GLI2: variants seen among roughly 807,000 people sequenced by gnomAD.
GLI2 encodes GLI family zinc finger 2, also known as transcription activator GLI2.
In GLI2, 22 loss-of-function variants were observed where a neutral mutation model predicts 78.9. That is an observed-to-expected ratio of 0.28 (90% CI 0.20 to 0.40). The LOEUF is 0.40. Ranked by LOEUF, GLI2 falls within the 10% of genes least tolerant of loss-of-function variation. GLI2 has a pLI of 1.00. For synonymous variants in GLI2, 974 were observed against 963.7 expected (o/e 1.01, Z -0.20); for missense variants, 2,097 against 2,213.2 (o/e 0.95, Z 1.05).
At chr2:120,961,674 G>A (rs953038089) in intron 5 of GLI2, among the ~76,000 whole-genome samples, 3 of 152,150 alleles carry the variant, frequency 2.0e-5, no homozygotes, top group African/African-American at 4.8e-5. Context: ...AGGTGTGGGG[G>A]GCATTAAGGT....
chr2:120,972,147 C>CGGAT (rs1323780824), intron 8 of GLI2, 84 bp downstream of exon 8: 43 of 1,493,750 alleles, frequency 2.9e-5, no homozygotes, highest in Non-Finnish European at 3.8e-5. Flanking sequence ...TGGTGGTGAA[C>CGGAT]GGATGGCTGG....
chr2:120,869,247 G>T (rs1445123566), intron 2 of GLI2, among the ~76,000 whole-genome samples: 1 of 152,210 alleles, frequency 6.6e-6, no homozygotes, highest in African/African-American at 2.4e-5. Flanking sequence ...AGACCTGGGA[G>T]GGCTGTGGTC....
intron 2 of GLI2, among the ~76,000 whole-genome samples, chr2:120,882,000 G>C (rs1025803089): frequency 2.2e-4 from 33 of 152,142 alleles, no homozygotes; most frequent in Non-Finnish European, 3.7e-4. Context: ...TGTCATAGGG[G>C]ACAACTAAGG....
rs141356812 is a variant in GLI2, at chr2:120,989,430, G to A, written c.3465G>A (p.Ala1155=). The change falls in exon 14 of 14, where the codon GCG becomes GCA. Residue 1155 remains alanine, a synonymous_variant. Coordinates refer to ENST00000361492, the MANE Select transcript of GLI2 (RefSeq NM_001374353.1). ...KPPPFPQGNL[A]VVQQKPAFGQ... ...CACCCTTTCCTCAGGGCAACCTGGCGGTGGTGCAGCAGAAGCCTGCCTTTG... is the reference window on the plus strand; with the variant it reads ...CACCCTTTCCTCAGGGCAACCTGGCAGTGGTGCAGCAGAAGCCTGCCTTTG... 4.8e-5 allele frequency: 77 copies of A among 1,613,096 alleles called. No homozygotes were observed. Among genetic ancestry groups the A allele is most frequent in the African/African-American group, 4.4e-4 (33 of 75,056 alleles).
At chr2:120,988,182 G>A (rs1042964464) in intron 13 of GLI2, 26 bp from the exon 14 acceptor site, 1 of 1,577,260 alleles carries the variant, frequency 6.3e-7, no homozygotes, top group Non-Finnish European at 8.6e-7. Flanking sequence ...CCTTGTCCCG[G>A]TGCTGACCCC....
Position 120,870,984 on chromosome 2 carries a change from C to T in GLI2, c.149-56377C>T, listed in dbSNP as rs562912756. 2.2e-4 allele frequency among the ~76,000 whole-genome samples: 33 copies of T among 152,370 alleles called. 2 individuals are homozygous for T. In the South Asian group the frequency reaches 6.6e-3, roughly 31 times the overall value. ...GGAACACTCAGGATTTTGAACACAG[C>T]TGTCAACCCCTATTCCTTAATTGAG... On this transcript the variant is annotated intron_variant, in intron 2 of 13. Transcript: ENST00000361492.
intron 1 of GLI2, among the ~76,000 whole-genome samples, chr2:120,796,087 CAT>C (rs978884688): frequency 2.6e-5 from 4 of 152,190 alleles, no homozygotes; most frequent in Non-Finnish European, 4.4e-5. Flanking sequence ...AAAAAACAAA[CAT>C]GTGACCATCA....
At chr2:120,935,248 G>A (rs1364779441) in intron 3 of GLI2, among the ~76,000 whole-genome samples, 2 of 152,164 alleles carry the variant, frequency 1.3e-5, no homozygotes, top group African/African-American at 4.8e-5. Context: ...TTTCCACGTG[G>A]GTCCACACTG....
intron 11 of GLI2, 66 bp from the exon 12 acceptor site, chr2:120,984,405 G>A: frequency 1.1e-5 from 17 of 1,537,176 alleles, no homozygotes; most frequent in Non-Finnish European, 1.4e-5. Context: ...GGAGAACAGG[G>A]AGAGCGCCCC....
At chr2:120,876,565 C>G (rs532828822) in intron 2 of GLI2, among the ~76,000 whole-genome samples, 4 of 151,926 alleles carry the variant, frequency 2.6e-5, no homozygotes, top group Admixed American at 2.6e-4. Context: ...AAATACTCAC[C>G]GGAGAAATCA....
At position 120,989,641 on chromosome 2, in the gene GLI2, C is replaced by T. The variant is rs763967506; in HGVS notation, c.3676C>T (p.Pro1226Ser). 1.2e-6 allele frequency: 2 copies of T among 1,613,268 alleles called. No individual in the cohort carries two copies. Among genetic ancestry groups the T allele is most frequent in the African/African-American group, 2.7e-5 (2 of 74,928 alleles). The change falls in exon 14 of 14, where the codon CCC (proline) becomes TCC (serine). Residue 1226 changes from proline (P) to serine (S), a missense_variant. Around this residue, in one of 5 missense-constraint regions of GLI2, gnomAD observed 1,290 missense variants for 1,261.7 expected, o/e 1.02. Transcript: ENST00000361492. ...QCPGMTTTMS[P>S]HACYGQVHPQ... ...TCCTGGCATGACTACCACTATGAGC[C>T]CCCATGCCTGCTATGGCCAAGTCCA... is the stretch of plus-strand genomic sequence containing the variant.
At position 120,852,273 on chromosome 2, in the gene GLI2, C is replaced by T. The variant is rs370962406; in HGVS notation, c.148+54805C>T. Among the ~76,000 whole-genome samples the T allele has an allele frequency of 1.5e-3, 232 of 152,276 alleles. 2 individuals carry two copies. The highest frequency in any genetic ancestry group is 4.5e-3 in the African/African-American group (187 of 41,552). On this transcript the variant is annotated intron_variant, in intron 2 of 13. Coordinates refer to ENST00000361492, the MANE Select transcript of GLI2 (RefSeq NM_001374353.1). Reference sequence around the variant, plus strand: ...CCCTACCCTGCCCAGGCCTATGGATCGCACAGAGACGGATGGGCAGAGAGT... The same window carrying T: ...CCCTACCCTGCCCAGGCCTATGGATTGCACAGAGACGGATGGGCAGAGAGT...
At chr2:120,980,884 A>ATT (rs58013537) in intron 10 of GLI2, among the ~76,000 whole-genome samples, 1 of 146,694 alleles carries the variant, frequency 6.8e-6, no homozygotes, top group Non-Finnish European at 1.5e-5. Flanking sequence ...TTTGGAGTTA[A>ATT]TTTTTTTTTT....
chr2:120,837,326 G>A (rs1433068220), intron 2 of GLI2, among the ~76,000 whole-genome samples: 16 of 150,694 alleles, frequency 1.1e-4, no homozygotes, highest in East Asian at 7.8e-4. Context: ...CCCAGGAGGC[G>A]GAGCTTGCAG....
At chr2:120,824,861 G>C (rs1346722593) in intron 2 of GLI2, among the ~76,000 whole-genome samples, 1 of 152,098 alleles carries the variant, frequency 6.6e-6, no homozygotes, top group Non-Finnish European at 1.5e-5. Context: ...CTTGAGACAG[G>C]TTATCGCTCA....
chr2:120,940,320 G>A (rs1394593674), intron 3 of GLI2, among the ~76,000 whole-genome samples: 1 of 152,138 alleles, frequency 6.6e-6, no homozygotes, highest in East Asian at 1.9e-4. Flanking sequence ...TTCCCTGCAT[G>A]TTCTCCTCCC....
At chr2:120,743,864 G>C (rs960397897) in intron 1 of GLI2, among the ~76,000 whole-genome samples, 3 of 152,230 alleles carry the variant, frequency 2.0e-5, no homozygotes, top group African/African-American at 7.2e-5. Context: ...ACAGCGGGTA[G>C]GGTGGGAAGA....
At chr2:120,753,093 ATTTTTT>A (rs55697602) in intron 1 of GLI2, among the ~76,000 whole-genome samples, 2 of 111,866 alleles carry the variant, frequency 1.8e-5, no homozygotes, top group African/African-American at 6.8e-5. Context: ...TTCTGTACGT[ATTTTTT>A]TTTTTTTTTT....
In GLI2 at chr2:120,957,890, G is replaced by T. The variant is rs115552043; in HGVS notation, c.643+2460G>T. ...AGCAAATGGGCTCCCAGCATCTAGCGGCTTGACCCAGGCCTTGCTCTGTTT... is the reference window on the plus strand; with the variant it reads ...AGCAAATGGGCTCCCAGCATCTAGCTGCTTGACCCAGGCCTTGCTCTGTTT... On this transcript the variant is annotated intron_variant, in intron 5 of 13. Transcript: ENST00000361492. Among the ~76,000 whole-genome samples, 903 of 152,324 alleles carry T rather than the reference G, an allele frequency of 5.9e-3. 7 individuals are homozygous for T. Among genetic ancestry groups the T allele is most frequent in the African/African-American group, 0.021 (876 of 41,566 alleles).
Sources: gnomAD v4.1 joint callset for allele counts (sites outside exome capture counted in the v4.1 genomes callset) on GRCh38, gnomAD v4.1.1 for gene constraint, gnomAD v4.1.1 regional missense constraint, MANE v1.5 for transcripts, NCBI Gene and HGNC (gene_info 2026-07-23, HGNC 2026-07-21) for gene names.